BRWD1: variants seen among roughly 807,000 people sequenced by gnomAD.
The protein encoded by BRWD1 is bromodomain and WD repeat domain containing 1.
A neutral mutation model predicts 251.2 loss-of-function variants in BRWD1; 82 were observed. That is an observed-to-expected ratio of 0.33 (90% CI 0.27 to 0.39). The LOEUF is 0.39. Ranked by LOEUF, BRWD1 falls within the 10% of genes least tolerant of loss-of-function variation. The pLI is 1.00. For synonymous variants in BRWD1, 918 were observed against 902.8 expected, an observed-to-expected ratio of 1.02 and a Z score of -0.30; for missense variants, 2,233 against 2,711.6, an observed-to-expected ratio of 0.82 and a Z score of 3.92.
At chr21:39,272,195 G>A (rs557495994) in intron 13 of BRWD1, among the ~76,000 whole-genome samples, 43 of 151,754 alleles carry the variant, frequency 2.8e-4, no homozygotes, top group African/African-American at 9.4e-4. Flanking sequence ...AGATCTTTGG[G>A]AGGGCGACGC....
chr21:39,276,222 G>T lies in BRWD1; in HGVS notation c.1105-9C>A, dbSNP rs762427723. 4.4e-6 allele frequency: 7 copies of T among 1,593,192 alleles called. No homozygotes were observed. The highest frequency in any genetic ancestry group is 2.7e-5 in the African/African-American group (2 of 74,140). On this transcript the variant is annotated splice_polypyrimidine_tract_variant and intron_variant, in intron 11 of 40. Coordinates refer to ENST00000342449, the MANE Select transcript of BRWD1 (RefSeq NM_033656.4). Reference sequence around the variant, plus strand: ...ATACTATCTACTTTATCCTAAAGGGGGGAAAAGGACAAATACAAAAATGAT... The same window carrying T: ...ATACTATCTACTTTATCCTAAAGGGTGGAAAAGGACAAATACAAAAATGAT...
chr21:39,244,605 C>T (rs2034114983), intron 21 of BRWD1, among the ~76,000 whole-genome samples: 1 of 152,094 alleles, frequency 6.6e-6, no homozygotes, highest in Non-Finnish European at 1.5e-5. Flanking sequence ...ATATCCTTGA[C>T]AGTAATTAAT....
At chr21:39,221,338 T>G (rs749958790) in intron 29 of BRWD1, among the ~76,000 whole-genome samples, 1 of 152,104 alleles carries the variant, frequency 6.6e-6, no homozygotes, top group Non-Finnish European at 1.5e-5. Context: ...GTGATGTAGT[T>G]ATATGATTTA....
At chr21:39,267,066 C>T (rs1335228061) in intron 15 of BRWD1, among the ~76,000 whole-genome samples, 2 of 152,084 alleles carry the variant, frequency 1.3e-5, no homozygotes, top group East Asian at 3.8e-4. Context: ...GATTTTAAAA[C>T]GACAGAAAAA....
At chr21:39,228,619 A>C in intron 26 of BRWD1, 37 bp from the exon 27 acceptor site, 2 of 1,181,338 alleles carry the variant, frequency 1.7e-6, no homozygotes, top group Non-Finnish European at 2.5e-6. Context: ...AACTCTCTAC[A>C]TAGCAGGTTA....
Position 39,193,910 on chromosome 21 carries a change from G to A in BRWD1, c.*2349C>T, listed in dbSNP as rs2031681497. ...GTCACATATTCAAAGTTAACCTTAG[G>A]AATAGCACCATAACCAAAAAAACCC... On this transcript the variant is annotated 3_prime_UTR_variant, in exon 41 of 41. Transcript: ENST00000342449. 1.0e-6 allele frequency: 1 copy of A among 985,218 alleles called. No individual in the cohort carries two copies. Among genetic ancestry groups the A allele is most frequent in the African/African-American group, 1.8e-5 (1 of 57,138 alleles). 61.0% of individuals were successfully genotyped at this position (985,218 alleles called of 1,614,324 possible).
At chr21:39,260,311 T>G (rs563592015) in intron 17 of BRWD1, among the ~76,000 whole-genome samples, 1 of 151,436 alleles carries the variant, frequency 6.6e-6, no homozygotes, top group Admixed American at 6.6e-5. Context: ...CTTTTTTTTC[T>G]TTTTGGTAGA....
At position 39,195,843 on chromosome 21, in the gene BRWD1, A is replaced by G; in HGVS notation, c.*416T>C. On this transcript the variant is annotated 3_prime_UTR_variant, in exon 41 of 41. Transcript: ENST00000342449. ...GTATTTATGAAGAATCTGTAAACAT[A>G]GGTTGTGAAATTGTTGTAACTACTA... 1 of 988,886 alleles carries G rather than the reference A, an allele frequency of 1.0e-6. No individual in the cohort carries two copies. Among genetic ancestry groups the G allele is most frequent in the Non-Finnish European group, 1.2e-6 (1 of 832,346 alleles). 61.3% of individuals were successfully genotyped at this position (988,886 alleles called of 1,614,324 possible).
chr21:39,204,840 C>T (rs1449931896), intron 37 of BRWD1, among the ~76,000 whole-genome samples: 2 of 152,246 alleles, frequency 1.3e-5, no homozygotes, highest in South Asian at 2.1e-4. Flanking sequence ...CTATGAAAAT[C>T]GAATGCCCCC....
rs1321683629 is a variant in BRWD1, at chr21:39,187,928, C to T, written c.*8331G>A. On this transcript the variant is annotated 3_prime_UTR_variant, in exon 41 of 41. Coordinates refer to ENST00000342449, the MANE Select transcript of BRWD1 (RefSeq NM_033656.4). ...GGCTTCCTTTAAGGAAGCTTTTAGA[C>T]GAGAGGTGAAAATTGTGAAGGGATT... is the stretch of plus-strand genomic sequence containing the variant. 1.6e-5 allele frequency: 16 copies of T among 982,038 alleles called. No individual in the cohort carries two copies. Among genetic ancestry groups the T allele is most frequent in the Admixed American group, 6.1e-5 (1 of 16,264 alleles). 60.8% of individuals were successfully genotyped at this position (982,038 alleles called of 1,614,324 possible).
chr21:39,201,954 T>C (rs1364279462), intron 38 of BRWD1, among the ~76,000 whole-genome samples: 1 of 152,246 alleles, frequency 6.6e-6, no homozygotes, highest in East Asian at 1.9e-4. Context: ...GCTACAGTTA[T>C]GCTACCAGAT....
intron 19 of BRWD1, among the ~76,000 whole-genome samples, chr21:39,251,348 T>C (rs1489272166): frequency 6.6e-6 from 1 of 152,200 alleles, no homozygotes; most frequent in East Asian, 1.9e-4. Context: ...AAAAAGATTA[T>C]GTTATTGTGA....
At chr21:39,238,868 G>A (rs11909669) in intron 21 of BRWD1, among the ~76,000 whole-genome samples, 2,319 of 152,172 alleles carry the variant, frequency 0.015, 58 homozygotes, top group African/African-American at 0.053. Flanking sequence ...CAATGTAAAT[G>A]TTTTCCATTT....
intron 17 of BRWD1, among the ~76,000 whole-genome samples, chr21:39,261,296 A>T (rs2034736542): frequency 6.6e-6 from 1 of 152,226 alleles, no homozygotes; most frequent in Non-Finnish European, 1.5e-5. Context: ...AGGGGAAAAT[A>T]TAAAAAAGCA....
At chr21:39,276,139 AACAC>A in intron 12 of BRWD1, 30 bp downstream of exon 12, 4 of 1,543,588 alleles carry the variant, frequency 2.6e-6, no homozygotes, top group Non-Finnish European at 3.5e-6. Context: ...TTTGCCTAAT[AACAC>A]ACACACACAC....
intron 5 of BRWD1, chr21:39,296,713 A>T (rs1437184616): frequency 4.7e-6 from 4 of 859,208 alleles, no homozygotes; most frequent in Non-Finnish European, 5.5e-6. Context: ...GGACCTTTAA[A>T]GAGATCCACA....
In BRWD1 at chr21:39,261,506, A is replaced by G. The variant is rs187514482; in HGVS notation, c.1886-2834T>C. Among the ~76,000 whole-genome samples the G allele has an allele frequency of 5.9e-5, 9 of 152,322 alleles. No individual in the cohort carries two copies. The East Asian group carries it at 1.7e-3, about 29-fold the overall frequency. On this transcript the variant is annotated intron_variant, in intron 17 of 40. Coordinates refer to ENST00000342449, the MANE Select transcript of BRWD1 (RefSeq NM_033656.4). ...GTGCCACAACCAAGATTTGTGCTAC[A>G]GTGCCAGAAGTTTATTTCTACCCAC...
At position 39,272,039 on chromosome 21, in the gene BRWD1, G is replaced by A. The variant is rs1188916349; in HGVS notation, c.1245-1606C>T. Among the ~76,000 whole-genome samples, 6 of 147,692 alleles carry A rather than the reference G, an allele frequency of 4.1e-5. No homozygotes were observed. The East Asian group carries it at 7.9e-4, about 20-fold the overall frequency. ...AAAAAAAAAAAAGAATATAGAATGA[G>A]TGTTATAAAACAGCTATCTATGTAA... On this transcript the variant is annotated intron_variant, in intron 13 of 40. Coordinates refer to ENST00000342449, the MANE Select transcript of BRWD1 (RefSeq NM_033656.4).
chr21:39,192,803 GAT>G lies in BRWD1; in HGVS notation c.*3454_*3455del, dbSNP rs947381465. 6 of 985,118 alleles carry G rather than the reference GAT, an allele frequency of 6.1e-6. No homozygotes were observed. The highest frequency in any genetic ancestry group is 6.0e-6 in the Non-Finnish European group (5 of 829,760). 61.0% of individuals were successfully genotyped at this position (985,118 alleles called of 1,614,324 possible). On this transcript the variant is annotated 3_prime_UTR_variant, in exon 41 of 41. Coordinates refer to ENST00000342449, the MANE Select transcript of BRWD1 (RefSeq NM_033656.4). ...TTTAACAATGTTCTTGCATTCTACT[GAT>G]ATACAAACCTCTGGGGTTTCAGTTG... is the stretch of plus-strand genomic sequence containing the variant.
Sources: allele counts gnomAD v4.1 joint callset (sites outside exome capture counted in the v4.1 genomes callset), GRCh38; gene constraint gnomAD v4.1.1; transcripts MANE v1.5; gene names NCBI Gene and HGNC (gene_info 2026-07-23, HGNC 2026-07-21).